Variants in CHRM2 observed in about 807,000 individuals in gnomAD.
CHRM2 encodes the protein muscarinic acetylcholine receptor M2.
In CHRM2, 8 loss-of-function variants were observed where a neutral mutation model predicts 25.0. The observed-to-expected ratio is 0.32, with a 90% CI of 0.19 to 0.58. The LOEUF (loss-of-function observed/expected upper bound fraction) is 0.58, where lower values mean the gene tolerates loss of function less well. Ranked by LOEUF, CHRM2 falls within the 20% of genes least tolerant of loss-of-function variation. The pLI is 0.88. For missense variants in CHRM2, 440 were observed against 567.1 expected (o/e 0.78, Z 2.28); for synonymous variants, 202 against 205.7 (o/e 0.98, Z 0.15).
At chr7:136,944,453 T>C (rs1323970585) in intron 2 of CHRM2, among the ~76,000 whole-genome samples, 1 of 144,450 alleles carries the variant, frequency 6.9e-6, no homozygotes. Context: ...CTGAGTCATA[T>C]TCCATATATG....
At chr7:137,011,215 G>GTGTGTGTATATATATATATATA in intron 3 of CHRM2, among the ~76,000 whole-genome samples, 3 of 134,286 alleles carry the variant, frequency 2.2e-5, no homozygotes, top group African/African-American at 9.6e-5. Context: ...GTGTGTGTGT[G>GTGTGTGTATATATATATATATA]TATATATATA....
intron 2 of CHRM2, among the ~76,000 whole-genome samples, chr7:136,940,473 T>C (rs536715405): frequency 1.3e-5 from 2 of 152,320 alleles, no homozygotes; most frequent in East Asian, 1.9e-4. Flanking sequence ...TCTTTGACTG[T>C]AGAATGGAGT....
intron 3 of CHRM2, among the ~76,000 whole-genome samples, chr7:137,009,656 T>C (rs190096447): frequency 6.6e-6 from 1 of 152,164 alleles, no homozygotes; most frequent in East Asian, 1.9e-4. Context: ...TGAGTATTCA[T>C]AGTAGAGTCT....
intron 2 of CHRM2, among the ~76,000 whole-genome samples, chr7:136,990,124 T>C (rs1224831488): frequency 6.6e-6 from 1 of 152,264 alleles, no homozygotes; most frequent in Admixed American, 6.5e-5. Context: ...AGATTTCTTA[T>C]ATACCTCCTA....
At chr7:136,985,352 A>C (rs1802776206) in intron 2 of CHRM2, among the ~76,000 whole-genome samples, 1 of 151,980 alleles carries the variant, frequency 6.6e-6, no homozygotes, top group African/African-American at 2.4e-5. Flanking sequence ...TCTACTAAAA[A>C]TACAAAAATT....
At chr7:137,005,809 A>G (rs563862318) in intron 3 of CHRM2, among the ~76,000 whole-genome samples, 1 of 152,290 alleles carries the variant, frequency 6.6e-6, no homozygotes, top group East Asian at 1.9e-4. Flanking sequence ...AATTCAAAGC[A>G]ATGAATTAAC....
intron 2 of CHRM2, among the ~76,000 whole-genome samples, chr7:136,882,808 C>T (rs1307633142): frequency 6.6e-6 from 1 of 152,064 alleles, no homozygotes; most frequent in African/African-American, 2.4e-5. Context: ...ATCTGAAACA[C>T]ATGAACTTTT....
chr7:136,889,047 C>CAAAAAAAAA (rs56915229), intron 2 of CHRM2, among the ~76,000 whole-genome samples: 2 of 66,494 alleles, frequency 3.0e-5, no homozygotes, highest in Non-Finnish European at 2.6e-5. Context: ...GACTACATCT[C>CAAAAAAAAA]AAAAAAAAAA....
Position 137,015,650 on chromosome 7 carries a change from A to G in CHRM2, c.785A>G (p.Asn262Ser), listed in dbSNP as rs763856121. Residue 262 changes from asparagine to serine, a missense_variant, in exon 4 of 4, where the codon AAT becomes AGT. Physicochemically the swap from Asn to Ser is conservative, Grantham distance 46. Coordinates refer to ENST00000680005, the MANE Select transcript of CHRM2 (RefSeq NM_001006630.2). The surrounding 1 kb of genome is among the most constrained non-coding windows in gnomAD (Gnocchi z 5.1). ...GGCCTGGAGCACAACAAAATCCAGA[A>G]TGGCAAAGCCCCCAGGGATCCTGTG... ...DDGLEHNKIQ[N>S]GKAPRDPVTE... The G allele has an allele frequency of 6.2e-7, 1 of 1,613,012 alleles. No individual in the cohort carries two copies. The highest frequency in any genetic ancestry group is 1.1e-5 in the South Asian group (1 of 91,058).
chr7:136,910,800 AGTGT>A (rs71533718), intron 2 of CHRM2, among the ~76,000 whole-genome samples: 171 of 145,754 alleles, frequency 1.2e-3, no homozygotes, highest in East Asian at 1.8e-3. Flanking sequence ...TTTAAAATTA[AGTGT>A]GTGTGTGTGT....
intron 2 of CHRM2, among the ~76,000 whole-genome samples, chr7:136,985,448 T>G (rs1245436888): frequency 7.1e-6 from 1 of 140,224 alleles, no homozygotes; most frequent in Admixed American, 7.8e-5. Flanking sequence ...AGGCGAAGGT[T>G]GCAGTGAGCT....
intron 3 of CHRM2, among the ~76,000 whole-genome samples, chr7:137,000,194 C>CT (rs57283576): frequency 0.44 from 31,971 of 72,892 alleles, 6,653 homozygotes; most frequent in East Asian, 0.82. Flanking sequence ...CTTTTTCTTT[C>CT]TTTTTTTTTT....
intron 2 of CHRM2, among the ~76,000 whole-genome samples, chr7:136,962,535 C>G (rs1230686436): frequency 2.0e-5 from 3 of 152,104 alleles, no homozygotes; most frequent in Non-Finnish European, 4.4e-5. Context: ...GGTAGTCATG[C>G]CCTGTTCTCT....
intron 2 of CHRM2, among the ~76,000 whole-genome samples, chr7:136,971,452 A>G (rs1327419875): frequency 2.0e-5 from 3 of 151,916 alleles, no homozygotes; most frequent in Admixed American, 6.6e-5. Flanking sequence ...CCTGTCTCTA[A>G]TAAAAATACA....
At chr7:136,900,342 A>G (rs1797128660) in intron 2 of CHRM2, among the ~76,000 whole-genome samples, 1 of 152,072 alleles carries the variant, frequency 6.6e-6, no homozygotes, top group South Asian at 2.1e-4. Context: ...ATTATACTAC[A>G]TTACTAGACT....
chr7:136,901,020 T>A (rs1797174355), intron 2 of CHRM2, among the ~76,000 whole-genome samples: 1 of 152,106 alleles, frequency 6.6e-6, no homozygotes, highest in Non-Finnish European at 1.5e-5. Flanking sequence ...TTTCCATGAT[T>A]ATGTATATCA....
At chr7:136,978,468 G>T (rs1453035226) in intron 2 of CHRM2, among the ~76,000 whole-genome samples, 1 of 151,854 alleles carries the variant, frequency 6.6e-6, no homozygotes, top group East Asian at 1.9e-4. Context: ...TTTTTTTATT[G>T]TACTTTAAGT....
Position 137,018,156 on chromosome 7 carries a change from G to A in CHRM2, c.*1890G>A, listed in dbSNP as rs1426805342. 5.3e-5 allele frequency: 8 copies of A among 151,496 alleles called. No homozygotes were observed. The highest frequency in any genetic ancestry group is 1.3e-4 in the Admixed American group (2 of 15,174). The allele number at this position is 151,496 out of a possible 1,614,324, so 9.4% of individuals were successfully genotyped here. A position where few individuals can be genotyped will look rare whatever the true frequency, so the allele number is the denominator to read the frequency against. Reference sequence around the variant, plus strand: ...ATTTTGTATGATTAGCCTCATAGATGCCACCTCAACATTTTGGAGAGTTAA... The same window carrying A: ...ATTTTGTATGATTAGCCTCATAGATACCACCTCAACATTTTGGAGAGTTAA... On this transcript the variant is annotated 3_prime_UTR_variant, in exon 4 of 4. Transcript: ENST00000680005.
At chr7:136,982,933 C>T (rs1157914573) in intron 2 of CHRM2, among the ~76,000 whole-genome samples, 1 of 152,096 alleles carries the variant, frequency 6.6e-6, no homozygotes, top group Non-Finnish European at 1.5e-5. Context: ...GATTGCTCTT[C>T]TTGAGGAGTA....
Sources: allele counts gnomAD v4.1 joint callset (sites outside exome capture counted in the v4.1 genomes callset), GRCh38; gene constraint gnomAD v4.1.1; non-coding constraint Gnocchi (gnomAD v3.1); transcripts MANE v1.5; gene names NCBI Gene and HGNC (gene_info 2026-07-23, HGNC 2026-07-21).